Variants in TBC1D4 observed in about 807,000 individuals in gnomAD.
TBC1D4 encodes the protein TBC (Tre-2, BUB2, CDC16) domain-containing protein.
TBC1D4 carries 121 observed loss-of-function variants against 142.5 expected under a neutral mutation model. The observed-to-expected ratio is 0.85, with a 90% confidence interval of 0.73 to 0.99. The LOEUF is 0.99. Ranked by LOEUF, TBC1D4 falls within the 50% of genes least tolerant of loss-of-function variation. The pLI is 0.00. For missense variants in TBC1D4, 1,475 were observed against 1,606.6 expected (o/e 0.92, Z 1.40); for synonymous variants, 630 against 628.2 (o/e 1.00, Z -0.04).
At chr13:75,480,564 TA>T (rs1888797098) in intron 1 of TBC1D4, among the ~76,000 whole-genome samples, 2 of 152,156 alleles carry the variant, frequency 1.3e-5, no homozygotes, top group Admixed American at 6.5e-5. Context: ...AAAAAACATT[TA>T]AAAAATGATA....
intron 14 of TBC1D4, among the ~76,000 whole-genome samples, chr13:75,307,920 A>G (rs191273068): frequency 1.6e-4 from 25 of 152,206 alleles, no homozygotes; most frequent in Non-Finnish European, 3.7e-4. Flanking sequence ...ATATACTCCT[A>G]TATATAACTT....
At chr13:75,456,468 AT>A (rs1194211749) in intron 1 of TBC1D4, among the ~76,000 whole-genome samples, 1 of 152,080 alleles carries the variant, frequency 6.6e-6, no homozygotes, top group Non-Finnish European at 1.5e-5. Flanking sequence ...TCATAAGACA[AT>A]TTTTTTAATG....
chr13:75,332,231 ATACCAC>A (rs1425432235), intron 8 of TBC1D4, among the ~76,000 whole-genome samples: 1 of 152,232 alleles, frequency 6.6e-6, no homozygotes, highest in Non-Finnish European at 1.5e-5. Flanking sequence ...ACTACTGAAT[ATACCAC>A]CTCCTATCTA....
intron 18 of TBC1D4, among the ~76,000 whole-genome samples, chr13:75,292,964 G>A (rs914253757): frequency 3.9e-5 from 6 of 152,158 alleles, no homozygotes; most frequent in Non-Finnish European, 8.8e-5. Context: ...AGACCAGCCT[G>A]GTCAACATGG....
intron 19 of TBC1D4, among the ~76,000 whole-genome samples, chr13:75,289,606 G>T (rs572530807): frequency 2.0e-5 from 3 of 152,216 alleles, no homozygotes; most frequent in African/African-American, 7.2e-5. Flanking sequence ...TTTGCCAATG[G>T]AGCAGAAAGA....
Position 75,417,078 on chromosome 13 carries a change from C to T in TBC1D4, c.499-54471G>A, listed in dbSNP as rs115118555. Among the ~76,000 whole-genome samples, 1,248 of 152,260 alleles carry T rather than the reference C, an allele frequency of 8.2e-3. 23 individuals carry two copies. Among genetic ancestry groups the T allele is most frequent in the African/African-American group, 0.025 (1,058 of 41,552 alleles). On this transcript the variant is annotated intron_variant, in intron 1 of 20. Coordinates refer to ENST00000377636, the MANE Select transcript of TBC1D4 (RefSeq NM_014832.5). ...CACAATTCCACCCAATATCTCTGGT[C>T]CACTGTTAGCAGGAAAAGCAGCTAC...
intron 1 of TBC1D4, among the ~76,000 whole-genome samples, chr13:75,379,908 T>G (rs1883727031): frequency 1.5e-5 from 1 of 67,214 alleles, no homozygotes; most frequent in Admixed American, 1.5e-4. Flanking sequence ...TTTTTTTTTT[T>G]TTTTTTTTTT....
At chr13:75,472,881 CT>C (rs1337311628) in intron 1 of TBC1D4, among the ~76,000 whole-genome samples, 1 of 152,190 alleles carries the variant, frequency 6.6e-6, no homozygotes, top group African/African-American at 2.4e-5. Context: ...TTCAGGTAAA[CT>C]CAGGAAAAGC....
chr13:75,400,710 C>T (rs1193338135), intron 1 of TBC1D4, among the ~76,000 whole-genome samples: 1 of 151,964 alleles, frequency 6.6e-6, no homozygotes, highest in Non-Finnish European at 1.5e-5. Context: ...TCGTGATCCA[C>T]CTGCCTCGGC....
Position 75,292,245 on chromosome 13 carries a change from C to T in TBC1D4, c.3343G>A (p.Val1115Ile), listed in dbSNP as rs1349812447. 2 of 1,612,732 alleles carry T rather than the reference C, an allele frequency of 1.2e-6. No individual in the cohort carries two copies. The highest frequency in any genetic ancestry group is 3.3e-5 in the Admixed American group (2 of 59,932). The change falls in exon 19 of 21, where the codon GTT becomes ATT. Residue 1115 changes from valine (V) to isoleucine (I), a missense_variant. Val to Ile is a conservative substitution (Grantham distance 29). Transcript: ENST00000377636. ...FDIIFLQGTE[V>I]IFKVALSLLS... The stretch of plus-strand genomic sequence containing the variant: ...AGGCTGAGTGCAACCTTGAATATAA[C>T]TTCAGTTCCCTGAAGAAAAATAATA...
intron 1 of TBC1D4, among the ~76,000 whole-genome samples, chr13:75,386,389 TTTC>T (rs1247536844): frequency 1.3e-5 from 2 of 149,890 alleles, no homozygotes; most frequent in East Asian, 1.9e-4. Flanking sequence ...TCTTTTTCTT[TTTC>T]TTTTTTTTTT....
chr13:75,359,634 C>G, intron 3 of TBC1D4, 135 bp downstream of exon 3: 2 of 726,288 alleles, frequency 2.8e-6, no homozygotes, highest in African/African-American at 1.8e-5. Flanking sequence ...TAGTTTAAGA[C>G]AAATTCCCTT....
In TBC1D4 at chr13:75,286,834, G is replaced by A. The variant is rs1874722080; in HGVS notation, c.3855C>T (p.Asn1285=). ...TCTTGGCTTTGTTGTTAGGGTTGCA[G>A]TTTAGGTCTCTCAGCAACAGGTCAC... is the stretch of plus-strand genomic sequence containing the variant. ...VNCDLLLRDL[N]CNPNNKAKIG... Residue 1285 remains asparagine (N), a synonymous_variant, in exon 21 of 21, where the codon AAC becomes AAT. Transcript: ENST00000377636. The A allele has an allele frequency of 1.2e-6, 2 of 1,613,800 alleles. No homozygotes were observed. The highest frequency in any genetic ancestry group is 1.3e-5 in the African/African-American group (1 of 74,904).
rs2060134 is a variant in TBC1D4 at position 75,325,899 on chromosome 13, C to A, written c.2033+298G>T. 0.75 allele frequency among the ~76,000 whole-genome samples: 113,777 copies of A among 152,104 alleles called. 45,254 individuals carry two copies. The highest frequency in any genetic ancestry group is 0.95 in the South Asian group (4,566 of 4,820). ...CTCTAGAATCATCATCAAGACACTG[C>A]GTAACGTGTTATCAGCAGGTTTTCA... On this transcript the variant is annotated intron_variant, in intron 10 of 20. Transcript: ENST00000377636.
intron 1 of TBC1D4, among the ~76,000 whole-genome samples, chr13:75,409,926 T>C (rs556454285): frequency 6.6e-6 from 1 of 152,334 alleles, no homozygotes; most frequent in South Asian, 2.1e-4. Flanking sequence ...CCAAAATTTC[T>C]TTCAAATATT....
intron 1 of TBC1D4, among the ~76,000 whole-genome samples, chr13:75,404,136 T>C (rs1466948435): frequency 6.6e-6 from 1 of 151,838 alleles, no homozygotes; most frequent in Non-Finnish European, 1.5e-5. Context: ...ATATTCATTC[T>C]GAGAAATAGT....
At chr13:75,433,419 T>A (rs1886668471) in intron 1 of TBC1D4, among the ~76,000 whole-genome samples, 2 of 152,120 alleles carry the variant, frequency 1.3e-5, no homozygotes, top group South Asian at 4.1e-4. Flanking sequence ...ACCCAAAGTA[T>A]CAAGACAAGA....
At chr13:75,363,612 A>G (rs1169911037) in intron 1 of TBC1D4, among the ~76,000 whole-genome samples, 3 of 152,204 alleles carry the variant, frequency 2.0e-5, no homozygotes, top group African/African-American at 4.8e-5. Flanking sequence ...CTTCTTACAT[A>G]TATTGACTGA....
intron 1 of TBC1D4, among the ~76,000 whole-genome samples, chr13:75,378,173 C>T (rs142127685): frequency 1.2e-3 from 178 of 152,124 alleles, no homozygotes; most frequent in African/African-American, 4.0e-3. Flanking sequence ...ATGTAATAAA[C>T]GCACGTCAAT....
Sources: allele counts gnomAD v4.1 joint callset (sites outside exome capture counted in the v4.1 genomes callset), GRCh38; gene constraint gnomAD v4.1.1; transcripts MANE v1.5; gene names NCBI Gene and HGNC (gene_info 2026-07-23, HGNC 2026-07-21).